The following NOTUM variants were observed in gnomAD, a reference collection of about 807,000 sequenced individuals.
NOTUM encodes the protein palmitoleoyl-protein carboxylesterase NOTUM.
Under a neutral mutation model 65.5 loss-of-function variants are expected in NOTUM, and 36 were observed. That is an observed-to-expected ratio of 0.55 (90% CI 0.42 to 0.73). The LOEUF (loss-of-function observed/expected upper bound fraction) is 0.73, where lower values mean the gene tolerates loss of function less well. NOTUM is among the 30% of genes least tolerant of loss of function. NOTUM has a pLI of 0.00. For synonymous variants in NOTUM, 356 were observed against 297.9 expected (o/e 1.20, Z -2.01); for missense variants, 659 against 694.2 (o/e 0.95, Z 0.57).
At chr17:81,953,325 C>A in intron 10 of NOTUM, 58 bp from the exon 11 acceptor site, 1 of 1,181,818 alleles carries the variant, frequency 8.5e-7, no homozygotes, top group Non-Finnish European at 1.2e-6. Context: ...AACACTGAGG[C>A]AGCTGTTTTT....
Position 81,952,890 on chromosome 17 carries a change from G to C in NOTUM, c.*71C>G. On this transcript the variant is annotated 3_prime_UTR_variant, in exon 11 of 11. Transcript: ENST00000409678. ...GAAGAGACGGGAGGGCCTGCTGGTG[G>C]GGGGTGAGGTGGCACTGGGGCAGCG... is the stretch of plus-strand genomic sequence containing the variant. The C allele has an allele frequency of 7.4e-7, 1 of 1,359,554 alleles. No individual in the cohort carries two copies. The highest frequency in any genetic ancestry group is 1.0e-6 in the Non-Finnish European group (1 of 963,454). 84.2% of individuals were successfully genotyped at this position (1,359,554 alleles called of 1,614,324 possible).
chr17:81,960,943 G>C lies in NOTUM; in HGVS notation c.-34C>G. 4.2e-6 allele frequency: 5 copies of C among 1,189,638 alleles called. No homozygotes were observed. The highest frequency in any genetic ancestry group is 4.2e-6 in the Non-Finnish European group (4 of 958,024). The allele number at this position is 1,189,638 out of a possible 1,614,324, so 73.7% of individuals were successfully genotyped here. ...CCACCTGCGGGGAGCGGGCGGCCTT[G>C]AGGCGGCGGCGGCGGCGGCGGGGGA... On this transcript the variant is annotated 5_prime_UTR_variant, in exon 1 of 11. Transcript: ENST00000409678. The surrounding 1 kb of genome is among the most constrained non-coding windows in gnomAD (Gnocchi z 6.4).
In NOTUM at chr17:81,952,809, GGGGCAGGA is replaced by G; in HGVS notation, c.*144_*151del. On this transcript the variant is annotated 3_prime_UTR_variant, in exon 11 of 11. Transcript: ENST00000409678. The stretch of plus-strand genomic sequence containing the variant: ...CTGTGGGAGAGGGGCAGGGAAAGCC[GGGGCAGGA>G]GGGCAGTGGGCAGACCCAGACAGGG... 1.5e-6 allele frequency: 1 copy of G among 672,330 alleles called. No individual in the cohort carries two copies. Among genetic ancestry groups the G allele is most frequent in the Non-Finnish European group, 2.6e-6 (1 of 389,104 alleles). The allele number at this position is 672,330 out of a possible 1,614,324, so 41.6% of individuals were successfully genotyped here.
chr17:81,959,010 G>A lies in NOTUM; in HGVS notation c.473-15C>T, dbSNP rs772866349. 6 of 1,611,318 alleles carry A rather than the reference G, an allele frequency of 3.7e-6. No individual in the cohort carries two copies. Among genetic ancestry groups the A allele is most frequent in the Admixed American group, 3.3e-5 (2 of 59,992 alleles). ...GATCCCTGTGCCTGGGGACACAGAG[G>A]CGGTGGGTCTTTCTAGCGGGAGGAG... On this transcript the variant is annotated splice_polypyrimidine_tract_variant and intron_variant, in intron 3 of 10. Transcript: ENST00000409678.
chr17:81,958,014 A>T (rs1045013682), intron 5 of NOTUM, 106 bp from the exon 6 acceptor site: 69 of 850,066 alleles, frequency 8.1e-5, no homozygotes, highest in Admixed American at 1.3e-4. Flanking sequence ...GGGGACTGGG[A>T]GGAATCTTCT....
Position 81,955,385 on chromosome 17 carries a change from C to G in NOTUM, c.1136+12G>C. The stretch of plus-strand genomic sequence containing the variant: ...CTACCCGGCGTGGGGCTCCCGGGGC[C>G]CACACACTCACGGCACGTCCTTGAG... On this transcript the variant is annotated intron_variant, in intron 9 of 10. Coordinates refer to ENST00000409678, the MANE Select transcript of NOTUM (RefSeq NM_178493.6). 1.3e-6 allele frequency: 2 copies of G among 1,558,766 alleles called. No individual in the cohort carries two copies. Among genetic ancestry groups the G allele is most frequent in the East Asian group, 4.8e-5 (2 of 42,022 alleles).
chr17:81,959,374 A>C, intron 3 of NOTUM, 97 bp downstream of exon 3: 1 of 937,450 alleles, frequency 1.1e-6, no homozygotes, highest in Non-Finnish European at 1.6e-6. Context: ...GCTGGGCATG[A>C]TGTGCGGGGT....
chr17:81,960,221 T>C lies in NOTUM; in HGVS notation c.323+366A>G, dbSNP rs1201377913. ...CCCCGACCTCACGTCTTTTATCTAC[T>C]TCGGGGCTGCAAGGAGGTGGGCAGC... On this transcript the variant is annotated intron_variant, in intron 1 of 10. Transcript: ENST00000409678. This position sits in a 1 kb window ranked among gnomAD's most constrained non-coding sequence, Gnocchi z 6.4. Among the ~76,000 whole-genome samples the C allele has an allele frequency of 6.6e-6, 1 of 152,176 alleles. No individual in the cohort carries two copies. The highest frequency in any genetic ancestry group is 1.5e-5 in the Non-Finnish European group (1 of 68,010).
chr17:81,954,160 A>G, intron 10 of NOTUM, 96 bp downstream of exon 10: 1 of 842,990 alleles, frequency 1.2e-6, no homozygotes, highest in Non-Finnish European at 2.0e-6. Flanking sequence ...AGAAGCGCCA[A>G]GAAGAGGCCC....
At chr17:81,954,226 A>T (rs765499205) in intron 10 of NOTUM, 30 bp downstream of exon 10, 1 of 1,563,714 alleles carries the variant, frequency 6.4e-7, no homozygotes, top group Non-Finnish European at 8.8e-7. Context: ...GATGTCATGG[A>T]CGCAAGCTGC....
In NOTUM at chr17:81,959,533, T is replaced by C. The variant is rs1488646119; in HGVS notation, c.410A>G (p.Asp137Gly). Residue 137 changes from aspartate to glycine, a missense_variant, in exon 3 of 11, where the codon GAC (aspartate) becomes GGC (glycine). Physicochemically the swap from Asp to Gly is moderately conservative, Grantham distance 94. Transcript: ENST00000409678. The part of the protein sequence containing the change: ...GWYCFNRENC[D>G]SRYDTMRRLM... ...GCGCCGCATGGTGTCGTATCTGGAG[T>C]CGCAGTTCTCGCGGTTGAAGCAGTA... is the stretch of plus-strand genomic sequence containing the variant. The C allele has an allele frequency of 6.5e-7, 1 of 1,548,196 alleles. No individual in the cohort carries two copies. The highest frequency in any genetic ancestry group is 2.0e-5 in the Admixed American group (1 of 50,924).
intron 5 of NOTUM, 57 bp downstream of exon 5, chr17:81,958,278 G>A (rs996435283): frequency 3.8e-5 from 46 of 1,195,412 alleles, no homozygotes; most frequent in Middle Eastern, 1.9e-4. Context: ...CCTCCTCCCT[G>A]CCCTGCCATC....
intron 3 of NOTUM, 30 bp from the exon 4 acceptor site, chr17:81,959,025 A>T: frequency 6.2e-7 from 1 of 1,600,644 alleles, no homozygotes; most frequent in Non-Finnish European, 8.6e-7. Flanking sequence ...GGGTCTTTCT[A>T]GCGGGAGGAG....
chr17:81,957,016 G>C lies in NOTUM; in HGVS notation c.754C>G (p.Leu252Val). Residue 252 changes from leucine (L) to valine (V), a missense_variant, in exon 7 of 11, where the codon CTG (leucine) becomes GTG (valine). Coordinates refer to ENST00000409678, the MANE Select transcript of NOTUM (RefSeq NM_178493.6). The stretch of plus-strand genomic sequence containing the variant: ...CGCACCTGGATGGCTGGGTAGCCCA[G>C]CTTCTCCAGCTGCTCAGCCACACGG... ...VDRVAEQLEK[L>V]GYPAIQVRGL... 6.2e-7 allele frequency: 1 copy of C among 1,611,360 alleles called. No homozygotes were observed. Among genetic ancestry groups the C allele is most frequent in the Non-Finnish European group, 8.5e-7 (1 of 1,179,910 alleles).
intron 6 of NOTUM, 59 bp downstream of exon 6, chr17:81,957,747 C>A: frequency 8.3e-7 from 1 of 1,209,978 alleles, no homozygotes; most frequent in South Asian, 1.3e-5. Flanking sequence ...CACACCCCTT[C>A]CATGCACCCT....
chr17:81,957,547 C>A (rs2041442699), intron 6 of NOTUM, among the ~76,000 whole-genome samples: 1 of 152,108 alleles, frequency 6.6e-6, no homozygotes, highest in South Asian at 2.1e-4. Context: ...AAACCTTCCC[C>A]TATATCCAAC....
chr17:81,957,889 G>A lies in NOTUM; in HGVS notation c.612C>T (p.Gly204=), dbSNP rs757099171. 9.4e-6 allele frequency: 15 copies of A among 1,604,218 alleles called. No individual in the cohort carries two copies. Among genetic ancestry groups the A allele is most frequent in the East Asian group, 4.5e-5 (2 of 44,362 alleles). Residue 204 remains glycine (G), a synonymous_variant, in exon 6 of 11, where the codon GGC becomes GGT. Coordinates refer to ENST00000409678, the MANE Select transcript of NOTUM (RefSeq NM_178493.6). The stretch of plus-strand genomic sequence containing the variant: ...GCACCACCTCCTGGATGATGAGGGC[G>A]CCCATGAAGGCGTACTCGTCTGCAA... ...KSEKNEYAFM[G]ALIIQEVVRE...
intron 3 of NOTUM, 111 bp downstream of exon 3, chr17:81,959,360 C>T (rs1296788545): frequency 2.4e-6 from 2 of 832,486 alleles, no homozygotes; most frequent in Non-Finnish European, 3.7e-6. Flanking sequence ...AACCCGGGCG[C>T]CAGGCTGGGC....
chr17:81,960,653 T>A lies in NOTUM; in HGVS notation c.257A>T (p.Asn86Ile). The A allele has an allele frequency of 6.3e-7, 1 of 1,581,064 alleles. No individual in the cohort carries two copies. Among genetic ancestry groups the A allele is most frequent in the Non-Finnish European group, 8.6e-7 (1 of 1,162,554 alleles). Residue 86 changes from asparagine (N) to isoleucine (I), a missense_variant, in exon 1 of 11, where the codon AAC becomes ATC. Coordinates refer to ENST00000409678, the MANE Select transcript of NOTUM (RefSeq NM_178493.6). The surrounding 1 kb of genome is among the most constrained non-coding windows in gnomAD (Gnocchi z 6.4). ...SLYPCSAQQLNEDLRLHLLLN... is the reference protein window; with the variant it reads ...SLYPCSAQQLIEDLRLHLLLN... ...TAGGAGGTGCAGGCGCAGGTCCTCGTTGAGCTGCTGCGCGGAGCAGGGGTA... is the reference window on the plus strand; with the variant it reads ...TAGGAGGTGCAGGCGCAGGTCCTCGATGAGCTGCTGCGCGGAGCAGGGGTA...
Sources: allele counts gnomAD v4.1 joint callset (sites outside exome capture counted in the v4.1 genomes callset), GRCh38; gene constraint gnomAD v4.1.1; non-coding constraint Gnocchi (gnomAD v3.1); transcripts MANE v1.5; gene names NCBI Gene and HGNC (gene_info 2026-07-23, HGNC 2026-07-21).